RBM4: variants seen among roughly 807,000 people sequenced by gnomAD.
The protein encoded by RBM4 is RNA binding motif protein 4, also known as RNA-binding protein 4.
Under a neutral mutation model 29.5 loss-of-function variants are expected in RBM4, and 7 were observed. That is an observed-to-expected ratio of 0.24 (90% CI 0.14 to 0.45). The LOEUF (loss-of-function observed/expected upper bound fraction) is 0.45, where lower values mean the gene tolerates loss of function less well. Ranked by LOEUF, RBM4 falls within the 20% of genes least tolerant of loss-of-function variation. RBM4 has a pLI of 1.00. For missense variants in RBM4, 387 were observed against 502.3 expected, an observed-to-expected ratio of 0.77 and a Z score of 2.19; for synonymous variants, 220 against 205.4, an observed-to-expected ratio of 1.07 and a Z score of -0.61.
intron 2 of RBM4, among the ~76,000 whole-genome samples, chr11:66,653,424 C>T (rs186818866): frequency 1.4e-5 from 2 of 145,814 alleles, no homozygotes; most frequent in East Asian, 2.0e-4. Context: ...TGCAGTGATG[C>T]GATCTCGGCT....
chr11:66,640,314 T>G (rs1379697964), intron 2 of RBM4, 191 bp downstream of exon 2: 5 of 748,864 alleles, frequency 6.7e-6, no homozygotes, highest in Non-Finnish European at 1.1e-5. Flanking sequence ...GGCAAATGTC[T>G]CCTGGAGAAA....
At chr11:66,665,996 A>G (rs1427704215) in exon 3 of RBM4, 1 of 1,470,196 alleles carries the variant, frequency 6.8e-7, no homozygotes, top group South Asian at 1.2e-5. Context: ...GCACTATTCT[A>G]AATGTGTTTT....
downstream of RBM4, among the ~76,000 whole-genome samples, chr11:66,651,022 A>G (rs1443702566): frequency 1.3e-5 from 2 of 152,134 alleles, no homozygotes; most frequent in Non-Finnish European, 2.9e-5. Flanking sequence ...CCTGTCTCAA[A>G]AGTTTCCCAG....
chr11:66,644,244 A>G (rs1009703351), intron 3 of RBM4, 104 bp downstream of exon 3: 8 of 1,450,272 alleles, frequency 5.5e-6, no homozygotes, highest in Non-Finnish European at 7.4e-6. Context: ...TTGCAGGGTT[A>G]GGGGAAGGTT....
chr11:66,663,509 C>T (rs981008417), intron 2 of RBM4, among the ~76,000 whole-genome samples: 2 of 152,090 alleles, frequency 1.3e-5, no homozygotes, highest in African/African-American at 2.4e-5. Flanking sequence ...GGACTACAGG[C>T]GCCCGCCACC....
chr11:66,650,887 A>C (rs1164928966), downstream of RBM4, among the ~76,000 whole-genome samples: 1 of 151,768 alleles, frequency 6.6e-6, no homozygotes, highest in Non-Finnish European at 1.5e-5. Flanking sequence ...AATAATAATA[A>C]ATTTAAAAAT....
At chr11:66,653,533 T>C (rs1266162300) in intron 2 of RBM4, among the ~76,000 whole-genome samples, 1 of 152,140 alleles carries the variant, frequency 6.6e-6, no homozygotes, top group Non-Finnish European at 1.5e-5. Context: ...AGCTTACTTT[T>C]GTATTTTTAG....
At chr11:66,666,350 C>T (rs1479742519) in exon 3 of RBM4, 22 of 1,011,354 alleles carry the variant, frequency 2.2e-5, no homozygotes, top group South Asian at 4.0e-5. Context: ...AAAGTTGTGA[C>T]GTTCTTGGAT....
At chr11:66,648,742 G>A (rs964444357), downstream of RBM4, among the ~76,000 whole-genome samples, 2 of 151,880 alleles carry the variant, frequency 1.3e-5, no homozygotes, top group Admixed American at 6.6e-5. Context: ...GAACCCGGGA[G>A]GTGGAGGTTG....
intron 2 of RBM4, among the ~76,000 whole-genome samples, chr11:66,641,651 A>G (rs961353405): frequency 6.6e-6 from 1 of 152,196 alleles, no homozygotes; most frequent in African/African-American, 2.4e-5. Context: ...TTATCCTTAT[A>G]TAAAACTCTG....
At chr11:66,644,980 A>G (rs567924597) in intron 3 of RBM4, among the ~76,000 whole-genome samples, 57 of 150,632 alleles carry the variant, frequency 3.8e-4, no homozygotes, top group African/African-American at 1.4e-3. Context: ...GACATCATCT[A>G]CTTTCTCAGG....
At chr11:66,657,108 C>CTTTTTTTTTTTT (rs748071140) in intron 2 of RBM4, among the ~76,000 whole-genome samples, 4 of 93,394 alleles carry the variant, frequency 4.3e-5, no homozygotes, top group Non-Finnish European at 6.2e-5. Flanking sequence ...ATTTTTTAGT[C>CTTTTTTTTTTTT]TTTTTTTTTT....
intron 1 of RBM4, chr11:66,639,369 G>A (rs1938337481): frequency 3.7e-6 from 1 of 271,534 alleles, no homozygotes; most frequent in African/African-American, 2.2e-5. Context: ...GTTTTCTGTT[G>A]TCCTCCTAGT....
chr11:66,663,690 ATGTGTGTGTATATG>A (rs1939128799), intron 2 of RBM4, among the ~76,000 whole-genome samples: 1 of 136,104 alleles, frequency 7.3e-6, no homozygotes, highest in Non-Finnish European at 1.6e-5. Flanking sequence ...CTAGGCAAAA[ATGTGTGTGTATATG>A]TGTGTGTGTG....
rs1038972455 is a variant in RBM4, at chr11:66,643,743, G to A, written c.706G>A (p.Ala236Thr). 1.9e-6 allele frequency: 3 copies of A among 1,613,794 alleles called. No homozygotes were observed. The highest frequency in any genetic ancestry group is 2.2e-5 in the South Asian group (2 of 91,092). The change falls in exon 3 of 4, where the codon GCT becomes ACT. Residue 236 changes from alanine (A) to threonine (T), a missense_variant. Around this residue, in one of 2 missense-constraint regions of RBM4, gnomAD observed 281 missense variants for 288.7 expected, o/e 0.97. Transcript: ENST00000310092. The surrounding 1 kb of genome is among the most constrained non-coding windows in gnomAD (Gnocchi z 6.1). The stretch of plus-strand genomic sequence containing the variant: ...TGCCCGGTCCTATGAGGCAGTGGCA[G>A]CTGCAGCTGCCTCCGTGTATAATTA... ...RAARSYEAVA[A>T]AAASVYNYAE...
chr11:66,644,814 G>T (rs1266574885), intron 3 of RBM4: 2 of 539,708 alleles, frequency 3.7e-6, no homozygotes, highest in African/African-American at 4.1e-5. Context: ...GGGCATAGAT[G>T]CTAACACTCA....
At position 66,640,115 on chromosome 11, in the gene RBM4, A is replaced by T; in HGVS notation, c.404A>T (p.Glu135Val). ...VEAIRGLDNT[E>V]FQGKRMHVQL... ...GCCATCAGGGGCCTTGATAACACAGAGTTTCAAGGTGAACCACCCTCTTTG... is the reference window on the plus strand; with the variant it reads ...GCCATCAGGGGCCTTGATAACACAGTGTTTCAAGGTGAACCACCCTCTTTG... Residue 135 changes from glutamate to valine, a missense_variant, in exon 2 of 4, where the codon GAG becomes GTG. Coordinates refer to ENST00000310092, the MANE Select transcript of RBM4 (RefSeq NM_002896.4). The T allele has an allele frequency of 6.2e-7, 1 of 1,614,214 alleles. No individual in the cohort carries two copies. Among genetic ancestry groups the T allele is most frequent in the Non-Finnish European group, 8.5e-7 (1 of 1,180,038 alleles).
chr11:66,654,355 G>C (rs1938898568), intron 2 of RBM4, among the ~76,000 whole-genome samples: 1 of 151,802 alleles, frequency 6.6e-6, no homozygotes, highest in Non-Finnish European at 1.5e-5. Flanking sequence ...AATTAGCTGG[G>C]CGTGGTGGCG....
chr11:66,643,918 C>G lies in RBM4; in HGVS notation c.881C>G (p.Ala294Gly), dbSNP rs768972342. 3.7e-6 allele frequency: 6 copies of G among 1,613,240 alleles called. No individual in the cohort carries two copies. The highest frequency in any genetic ancestry group is 5.1e-6 in the Non-Finnish European group (6 of 1,179,866). ...ATAAAAAAAA[A>G]AVTAASTSYY... Reference sequence around the variant, plus strand: ...GCTGCTGCTGCAGCAGCAGCCGCTGCTGCTGTTACTGCAGCTTCCACTTCA... The same window carrying G: ...GCTGCTGCTGCAGCAGCAGCCGCTGGTGCTGTTACTGCAGCTTCCACTTCA... Residue 294 changes from alanine to glycine, a missense_variant, in exon 3 of 4, where the codon GCT becomes GGT. Coordinates refer to ENST00000310092, the MANE Select transcript of RBM4 (RefSeq NM_002896.4). The surrounding 1 kb of genome is among the most constrained non-coding windows in gnomAD (Gnocchi z 6.1).
Sources: gnomAD v4.1 joint callset for allele counts (sites outside exome capture counted in the v4.1 genomes callset) on GRCh38, gnomAD v4.1.1 for gene constraint, gnomAD v4.1.1 regional missense constraint, Gnocchi (gnomAD v3.1) non-coding constraint, MANE v1.5 for transcripts, NCBI Gene and HGNC (gene_info 2026-07-23, HGNC 2026-07-21) for gene names.